The following ITGA4 variants were observed in gnomAD, a reference collection of about 807,000 sequenced individuals.
ITGA4 encodes the protein integrin alpha-4.
In ITGA4, 63 loss-of-function variants were observed where a neutral mutation model predicts 133.6. That is an observed-to-expected ratio of 0.47 (90% CI 0.38 to 0.58). ITGA4 has a LOEUF of 0.58. Among genes scored for constraint, ITGA4 ranks in the 20% least tolerant of loss-of-function variants. The probability of loss-of-function intolerance (pLI) is 0.00; values close to 1 mark genes in which losing one functional copy is unlikely to be tolerated. For missense variants in ITGA4, 1,076 were observed against 1,252.7 expected (o/e 0.86, Z 2.13); for synonymous variants, 483 against 438.0 (o/e 1.10, Z -1.28).
rs1313943065 is a variant in ITGA4 at position 181,523,101 on chromosome 2, C to T, written c.2074-336C>T. On this transcript the variant is annotated intron_variant, in intron 18 of 27. Coordinates refer to ENST00000397033, the MANE Select transcript of ITGA4 (RefSeq NM_000885.6). This position sits in a 1 kb window ranked among gnomAD's most constrained non-coding sequence, Gnocchi z 4.2. ...GGGAATATATCAAGATAAATGAAAG[C>T]TACAAGTCCAGAATTTTTTTTTTGT... is the stretch of plus-strand genomic sequence containing the variant. Among the ~76,000 whole-genome samples the T allele has an allele frequency of 6.6e-6, 1 of 151,790 alleles. No homozygotes were observed. Among genetic ancestry groups the T allele is most frequent in the African/African-American group, 2.4e-5 (1 of 41,326 alleles).
intron 2 of ITGA4, among the ~76,000 whole-genome samples, chr2:181,473,147 A>G (rs114671865): frequency 0.021 from 3,150 of 152,294 alleles, 101 homozygotes; most frequent in African/African-American, 0.071. Flanking sequence ...GGGGTCCCCA[A>G]TCCCTGGGCT....
intron 1 of ITGA4, 84 bp downstream of exon 1, chr2:181,457,935 CTT>C: frequency 7.5e-7 from 1 of 1,329,344 alleles, no homozygotes; most frequent in Non-Finnish European, 1.0e-6. Context: ...CCGATTCAAA[CTT>C]TCCTCCCTCC....
chr2:181,509,877 C>A, intron 16 of ITGA4, 70 bp downstream of exon 16: 3 of 1,141,932 alleles, frequency 2.6e-6, no homozygotes, highest in Non-Finnish European at 3.8e-6. Context: ...TGGCATAATT[C>A]TGAAGAAGTG....
chr2:181,525,065 A>G (rs1403395905), intron 20 of ITGA4, 137 bp from the exon 21 acceptor site: 11 of 437,078 alleles, frequency 2.5e-5, no homozygotes, highest in Non-Finnish European at 4.5e-5. Context: ...TTACTACCAT[A>G]TCTACTTTTA....
At chr2:181,531,985 C>T (rs1195873227) in intron 25 of ITGA4, among the ~76,000 whole-genome samples, 1 of 152,090 alleles carries the variant, frequency 6.6e-6, no homozygotes, top group East Asian at 1.9e-4. Context: ...GTAATAAAGG[C>T]TAAAATAGGC....
At chr2:181,466,104 G>C (rs913977311) in intron 2 of ITGA4, among the ~76,000 whole-genome samples, 1 of 151,980 alleles carries the variant, frequency 6.6e-6, no homozygotes, top group Non-Finnish European at 1.5e-5. Context: ...CGTTTTCTGT[G>C]GGATTTTGAA....
chr2:181,480,234 A>G lies in ITGA4; in HGVS notation c.722A>G (p.Lys241Arg), dbSNP rs752453549. The G allele has an allele frequency of 5.4e-6, 8 of 1,479,218 alleles. No homozygotes were observed. Among genetic ancestry groups the G allele is most frequent in the Non-Finnish European group, 6.3e-6 (7 of 1,103,828 alleles). 91.6% of individuals were successfully genotyped at this position (1,479,218 alleles called of 1,614,324 possible). A position where few individuals can be genotyped will look rare whatever the true frequency, so the allele number is the denominator to read the frequency against. ...TTNKYKAFLD[K>R]QNQVKFGSYL... The stretch of plus-strand genomic sequence containing the variant: ...AATAAATACAAGGCTTTTTTAGACA[A>G]ACAAAATCAAGTAAAATTTGGAAGT... Residue 241 changes from lysine to arginine, a missense_variant, in exon 6 of 28, where the codon AAA becomes AGA. Coordinates refer to ENST00000397033, the MANE Select transcript of ITGA4 (RefSeq NM_000885.6).
At chr2:181,474,306 G>A (rs1685624164) in intron 2 of ITGA4, among the ~76,000 whole-genome samples, 2 of 152,116 alleles carry the variant, frequency 1.3e-5, no homozygotes, top group African/African-American at 2.4e-5. Flanking sequence ...TCATGCATTT[G>A]CCAAAGTATC....
rs79018275 is a variant in ITGA4 at position 181,457,971 on chromosome 2, G to T, written c.197+120G>T. 969 of 1,151,014 alleles carry T rather than the reference G, an allele frequency of 8.4e-4. 5 individuals are homozygous for T. The African/African-American group carries it at 0.013, about 16-fold the overall frequency. 71.3% of individuals were successfully genotyped at this position (1,151,014 alleles called of 1,614,324 possible). ...CCCAAGGAGGCAGGAGGGAAACGCT[G>T]CGAGAGCCAGCTCGCTGGAAATCTG... On this transcript the variant is annotated intron_variant, in intron 1 of 27. Coordinates refer to ENST00000397033, the MANE Select transcript of ITGA4 (RefSeq NM_000885.6).
chr2:181,516,872 A>AT lies in ITGA4; in HGVS notation c.1922+5102dup, dbSNP rs1686617582. On this transcript the variant is annotated intron_variant, in intron 17 of 27. Coordinates refer to ENST00000397033, the MANE Select transcript of ITGA4 (RefSeq NM_000885.6). The surrounding 1 kb of genome is among the most constrained non-coding windows in gnomAD (Gnocchi z 4.0). ...AAGAGCTAGTGTGATGAAATTGTCCATTTTTAAAATGGAAATAGTACGAAT... is the reference window on the plus strand; with the variant it reads ...AAGAGCTAGTGTGATGAAATTGTCCATTTTTTAAAATGGAAATAGTACGAAT... Among the ~76,000 whole-genome samples the AT allele has an allele frequency of 2.0e-5, 3 of 152,100 alleles. No individual in the cohort carries two copies. The South Asian group carries it at 6.2e-4, about 31-fold the overall frequency.
chr2:181,499,789 T>A (rs1052972354), intron 15 of ITGA4, among the ~76,000 whole-genome samples: 2 of 152,192 alleles, frequency 1.3e-5, no homozygotes, highest in Admixed American at 6.5e-5. Context: ...TCATGCTTCA[T>A]AGATGTCGTT....
intron 16 of ITGA4, among the ~76,000 whole-genome samples, chr2:181,510,883 T>G (rs548565444): frequency 6.6e-6 from 1 of 151,922 alleles, no homozygotes; most frequent in South Asian, 2.1e-4. Context: ...ATTTTGATTC[T>G]TAGAACAACC....
At chr2:181,519,072 T>G (rs1158480849) in intron 17 of ITGA4, among the ~76,000 whole-genome samples, 1 of 151,956 alleles carries the variant, frequency 6.6e-6, no homozygotes, top group Non-Finnish European at 1.5e-5. Flanking sequence ...AAAAGTCCCA[T>G]GGATAATTGA....
rs1686619171 is a variant in ITGA4, at chr2:181,516,937, T to C, written c.1922+5162T>C. ...CAGCATAAAGTTTTGGGAGAATGAA[T>C]TATATGCTTTATAAACTAAGACATG... On this transcript the variant is annotated intron_variant, in intron 17 of 27. Transcript: ENST00000397033. The surrounding 1 kb of genome is among the most constrained non-coding windows in gnomAD (Gnocchi z 4.0). 6.6e-6 allele frequency among the ~76,000 whole-genome samples: 1 copy of C among 152,108 alleles called. No homozygotes were observed. Among genetic ancestry groups the C allele is most frequent in the Non-Finnish European group, 1.5e-5 (1 of 67,998 alleles).
chr2:181,534,450 GTAAC>G (rs2105774849), intron 26 of ITGA4, 80 bp downstream of exon 26: 1 of 878,018 alleles, frequency 1.1e-6, no homozygotes, highest in East Asian at 2.6e-5. Context: ...TTCCTTCTGA[GTAAC>G]TGAGTTGGGA....
At chr2:181,527,553 G>A (rs1227797581) in intron 22 of ITGA4, 166 bp downstream of exon 22, 15 of 537,986 alleles carry the variant, frequency 2.8e-5, no homozygotes, top group Non-Finnish European at 3.7e-5. Context: ...GACCCCTGCT[G>A]CTTTCCTTCC....
intron 10 of ITGA4, chr2:181,486,236 T>C (rs1685915436): frequency 2.5e-6 from 1 of 396,184 alleles, no homozygotes; most frequent in Non-Finnish European, 4.3e-6. Context: ...AAGGCACCAT[T>C]GATTAGAAAC....
At chr2:181,496,410 ATGAGACCCTG>A (rs1336152193) in intron 14 of ITGA4, among the ~76,000 whole-genome samples, 1 of 152,158 alleles carries the variant, frequency 6.6e-6, no homozygotes, top group Non-Finnish European at 1.5e-5. Context: ...GGGCAATGGA[ATGAGACCCTG>A]TCTCAAAAAA....
At chr2:181,479,902 A>G (rs1424100618) in intron 5 of ITGA4, among the ~76,000 whole-genome samples, 1 of 151,878 alleles carries the variant, frequency 6.6e-6, no homozygotes, top group Non-Finnish European at 1.5e-5. Context: ...AAATCCACTG[A>G]TAAATGCATT....
Sources: gnomAD v4.1 joint callset for allele counts (sites outside exome capture counted in the v4.1 genomes callset) on GRCh38, gnomAD v4.1.1 for gene constraint, Gnocchi (gnomAD v3.1) non-coding constraint, MANE v1.5 for transcripts, NCBI Gene and HGNC (gene_info 2026-07-23, HGNC 2026-07-21) for gene names.